Variants in RAB21 observed in about 807,000 individuals in gnomAD.
RAB21 encodes ras-related protein Rab-21.
RAB21 carries 13 observed loss-of-function variants against 33.1 expected under a neutral mutation model. The observed-to-expected ratio is 0.39, with a 90% CI of 0.26 to 0.62. The LOEUF (loss-of-function observed/expected upper bound fraction) is 0.62, where lower values mean the gene tolerates loss of function less well. RAB21 is among the 20% of genes least tolerant of loss of function. The pLI, the probability that RAB21 is intolerant of heterozygous loss-of-function variation, is 0.48. For synonymous variants in RAB21, 91 were observed against 103.7 expected (o/e 0.88, Z 0.74); for missense variants, 234 against 279.1 (o/e 0.84, Z 1.15).
intron 1 of RAB21, among the ~76,000 whole-genome samples, chr12:71,755,585 C>T (rs1037794111): frequency 1.3e-5 from 2 of 152,218 alleles, no homozygotes; most frequent in Non-Finnish European, 2.9e-5. Context: ...CCATTTACTG[C>T]AGTTCCTGGG....
chr12:71,760,483 G>T (rs1882856262), intron 1 of RAB21, among the ~76,000 whole-genome samples: 1 of 152,160 alleles, frequency 6.6e-6, no homozygotes, highest in South Asian at 2.1e-4. Flanking sequence ...TGTTTCTCTG[G>T]AATTTACGAA....
intron 1 of RAB21, among the ~76,000 whole-genome samples, chr12:71,762,680 T>G (rs1382008289): frequency 2.0e-5 from 3 of 151,930 alleles, no homozygotes; most frequent in Non-Finnish European, 2.9e-5. Flanking sequence ...CCCCGTGGAT[T>G]CAAGCAATTC....
chr12:71,778,918 G>A (rs1241224066), intron 4 of RAB21, among the ~76,000 whole-genome samples: 1 of 152,228 alleles, frequency 6.6e-6, no homozygotes, highest in Non-Finnish European at 1.5e-5. Context: ...TGAAGCAGGC[G>A]GATCATTTGA....
rs1204345777 is a variant in RAB21 at position 71,785,971 on chromosome 12, G to A, written c.*298G>A. The A allele has an allele frequency of 1.4e-5, 3 of 214,022 alleles. No individual in the cohort carries two copies. Among genetic ancestry groups the A allele is most frequent in the South Asian group, 6.5e-5 (1 of 15,300 alleles). The allele number at this position is 214,022 out of a possible 1,614,324, so 13.3% of individuals were successfully genotyped here. ...GGCTGGAGTGCACTGGCTTGATCTC[G>A]GCTCACTGCAAGCTCCACCTCCCAG... On this transcript the variant is annotated 3_prime_UTR_variant, in exon 7 of 7. Coordinates refer to ENST00000261263, the MANE Select transcript of RAB21 (RefSeq NM_014999.4).
intron 1 of RAB21, among the ~76,000 whole-genome samples, chr12:71,759,488 C>T (rs1882838429): frequency 6.6e-6 from 1 of 152,160 alleles, no homozygotes; most frequent in Non-Finnish European, 1.5e-5. Flanking sequence ...ATCTTAGGGG[C>T]TTTTTTGGGC....
At position 71,797,053 on chromosome 12, in the gene RAB21, A is replaced by G. The variant is rs1883472604; in HGVS notation, c.*11380A>G. Reference sequence around the variant, plus strand: ...AGACACTTCGTGTTTCCATTTTCATAATGGGGGTTAGTCATAAACCATTCT... The same window carrying G: ...AGACACTTCGTGTTTCCATTTTCATGATGGGGGTTAGTCATAAACCATTCT... On this transcript the variant is annotated 3_prime_UTR_variant, in exon 7 of 7. Coordinates refer to ENST00000261263, the MANE Select transcript of RAB21 (RefSeq NM_014999.4). 1 of 152,158 alleles carries G rather than the reference A, an allele frequency of 6.6e-6. No individual in the cohort carries two copies. Among genetic ancestry groups the G allele is most frequent in the Admixed American group, 6.5e-5 (1 of 15,280 alleles). The allele number at this position is 152,158 out of a possible 1,614,324, so 9.4% of individuals were successfully genotyped here. A position where few individuals can be genotyped will look rare whatever the true frequency, so the allele number is the denominator to read the frequency against.
intron 4 of RAB21, among the ~76,000 whole-genome samples, chr12:71,778,575 T>C (rs547435073): frequency 1.9e-4 from 29 of 152,322 alleles, no homozygotes; most frequent in African/African-American, 6.5e-4. Flanking sequence ...TTGCTTACTA[T>C]GTGCCAGGCT....
At position 71,787,082 on chromosome 12, in the gene RAB21, C is replaced by G. The variant is rs1263853548; in HGVS notation, c.*1409C>G. 1.3e-5 allele frequency: 2 copies of G among 152,130 alleles called. No individual in the cohort carries two copies. Among genetic ancestry groups the G allele is most frequent in the East Asian group, 3.9e-4 (2 of 5,194 alleles). 9.4% of individuals were successfully genotyped at this position (152,130 alleles called of 1,614,324 possible). ...CTTTTAGATCCTTTGTGAGCAAGTTCTATTTGTTCATTGCTTGCCAGAGAT... is the reference window on the plus strand; with the variant it reads ...CTTTTAGATCCTTTGTGAGCAAGTTGTATTTGTTCATTGCTTGCCAGAGAT... On this transcript the variant is annotated 3_prime_UTR_variant, in exon 7 of 7. Coordinates refer to ENST00000261263, the MANE Select transcript of RAB21 (RefSeq NM_014999.4).
chr12:71,792,264 ACCATACAT>A lies in RAB21; in HGVS notation c.*6593_*6600del, dbSNP rs1479143045. The A allele has an allele frequency of 2.0e-5, 3 of 152,214 alleles. No individual in the cohort carries two copies. The highest frequency in any genetic ancestry group is 7.2e-5 in the African/African-American group (3 of 41,448). 9.4% of individuals were successfully genotyped at this position (152,214 alleles called of 1,614,324 possible). A position where few individuals can be genotyped will look rare whatever the true frequency, so the allele number is the denominator to read the frequency against. On this transcript the variant is annotated 3_prime_UTR_variant, in exon 7 of 7. Coordinates refer to ENST00000261263, the MANE Select transcript of RAB21 (RefSeq NM_014999.4). ...TACTGGACTTTTGAGATGTAAGTTT[ACCATACAT>A]CAAGCTTAAAAACTTGTAGCGTTCT...
Position 71,755,181 on chromosome 12 carries a change from T to TA in RAB21, c.53dup (p.Tyr18Ter). The TA allele has an allele frequency of 6.9e-7, 1 of 1,452,714 alleles. No homozygotes were observed. The highest frequency in any genetic ancestry group is 9.1e-7 in the Non-Finnish European group (1 of 1,101,852). 90.0% of individuals were successfully genotyped at this position (1,452,714 alleles called of 1,614,324 possible). ...GGGAAAAGRAYSFKVVLLGEG... is the reference protein window; with the variant it reads ...GGGAAAAGRA ...CGGGGCGGCGGCGGCGGGCCGAGCCTACTCGTTCAAGGTGGTGCTGCTGGG... is the reference window on the plus strand; with the variant it reads ...CGGGGCGGCGGCGGCGGGCCGAGCCTAACTCGTTCAAGGTGGTGCTGCTGGG... Residue 18 changes from tyrosine (Y) to a stop codon, truncating the protein, a stop_gained and frameshift_variant, in exon 1 of 7, where the codon TAC becomes TAAC. Coordinates refer to ENST00000261263, the MANE Select transcript of RAB21 (RefSeq NM_014999.4). LOFTEE classifies it high-confidence loss of function.
At position 71,790,606 on chromosome 12, in the gene RAB21, C is replaced by T. The variant is rs1220897312; in HGVS notation, c.*4933C>T. The T allele has an allele frequency of 6.6e-6, 1 of 152,082 alleles. No individual in the cohort carries two copies. Among genetic ancestry groups the T allele is most frequent in the Non-Finnish European group, 1.5e-5 (1 of 68,002 alleles). The allele number at this position is 152,082 out of a possible 1,614,324, so 9.4% of individuals were successfully genotyped here. The stretch of plus-strand genomic sequence containing the variant: ...ATAAAAAACATATATTGTCAAAGTG[C>T]CCTTTGGTAGTGCTCCCAAATGGTA... On this transcript the variant is annotated 3_prime_UTR_variant, in exon 7 of 7. Coordinates refer to ENST00000261263, the MANE Select transcript of RAB21 (RefSeq NM_014999.4).
At position 71,755,148 on chromosome 12, in the gene RAB21, G is replaced by T; in HGVS notation, c.19G>T (p.Gly7Cys). ...CGACGGGATGGCTGCGGCCGGCGGC[G>T]GCGGCGGCGGGGCGGCGGCGGCGGG... MAAAGG[G>C]GGGAAAAGRA... The change falls in exon 1 of 7, where the codon GGC becomes TGC. Residue 7 changes from glycine to cysteine, a missense_variant. Transcript: ENST00000261263. 6 of 1,288,526 alleles carry T rather than the reference G, an allele frequency of 4.7e-6. No homozygotes were observed. The highest frequency in any genetic ancestry group is 5.9e-6 in the Non-Finnish European group (6 of 1,017,962). 79.8% of individuals were successfully genotyped at this position (1,288,526 alleles called of 1,614,324 possible). A position where few individuals can be genotyped will look rare whatever the true frequency, so the allele number is the denominator to read the frequency against.
Position 71,774,127 on chromosome 12 carries a change from G to A in RAB21, c.391+105G>A, listed in dbSNP as rs973261115. The A allele has an allele frequency of 6.1e-6, 4 of 660,874 alleles. No homozygotes were observed. The African/African-American group carries it at 7.6e-5, about 13-fold the overall frequency. The allele number at this position is 660,874 out of a possible 1,614,324, so 40.9% of individuals were successfully genotyped here. On this transcript the variant is annotated intron_variant, in intron 4 of 6. Coordinates refer to ENST00000261263, the MANE Select transcript of RAB21 (RefSeq NM_014999.4). ...AAAGTTATATGAGAAAGGAAGAATG[G>A]CATATTAATATAAATATTTTAGAAT...
In RAB21 at chr12:71,788,012, C is replaced by G. The variant is rs996596002; in HGVS notation, c.*2339C>G. 1 of 152,134 alleles carries G rather than the reference C, an allele frequency of 6.6e-6. No individual in the cohort carries two copies. The highest frequency in any genetic ancestry group is 1.5e-5 in the Non-Finnish European group (1 of 68,024). 9.4% of individuals were successfully genotyped at this position (152,134 alleles called of 1,614,324 possible). Reference sequence around the variant, plus strand: ...TTTTAAAAACTAGAGTAGCTGGGCACAGAGGCATGCATTTGTAGGGCCAGC... The same window carrying G: ...TTTTAAAAACTAGAGTAGCTGGGCAGAGAGGCATGCATTTGTAGGGCCAGC... On this transcript the variant is annotated 3_prime_UTR_variant, in exon 7 of 7. Coordinates refer to ENST00000261263, the MANE Select transcript of RAB21 (RefSeq NM_014999.4).
Position 71,770,625 on chromosome 12 carries a change from G to A in RAB21, c.253G>A (p.Gly85Ser). The A allele has an allele frequency of 6.2e-7, 1 of 1,608,278 alleles. No individual in the cohort carries two copies. The highest frequency in any genetic ancestry group is 8.5e-7 in the Non-Finnish European group (1 of 1,175,524). ...AGGTCAAGAGAGATTCCATGCATTG[G>A]GTCCAATTTACTACAGAGATTCAAA... ...TAGQERFHAL[G>S]PIYYRDSNGA... Residue 85 changes from glycine to serine, a missense_variant, in exon 3 of 7, where the codon GGT becomes AGT. Transcript: ENST00000261263.
In RAB21 at chr12:71,755,107, T is replaced by G; in HGVS notation, c.-23T>G. ...CGGGAGGGCGGCGCGACACTCGGGC[T>G]CGGGCGGCCGGGAAGCGACGGGATG... On this transcript the variant is annotated 5_prime_UTR_variant, in exon 1 of 7. Coordinates refer to ENST00000261263, the MANE Select transcript of RAB21 (RefSeq NM_014999.4). The G allele has an allele frequency of 8.8e-7, 1 of 1,134,740 alleles. No individual in the cohort carries two copies. The allele number at this position is 1,134,740 out of a possible 1,614,324, so 70.3% of individuals were successfully genotyped here.
intron 6 of RAB21, 104 bp downstream of exon 6, chr12:71,782,762 C>T: frequency 1.3e-5 from 9 of 717,426 alleles, no homozygotes; most frequent in South Asian, 5.2e-5. Flanking sequence ...AGAATTGGTT[C>T]TTTTTAAACT....
At chr12:71,762,248 C>G (rs529732213) in intron 1 of RAB21, among the ~76,000 whole-genome samples, 9 of 152,230 alleles carry the variant, frequency 5.9e-5, no homozygotes, top group African/African-American at 1.9e-4. Context: ...TTTTTAGAAA[C>G]TAAGAAGAAA....
chr12:71,759,419 A>T (rs184541640), intron 1 of RAB21, among the ~76,000 whole-genome samples: 1 of 152,258 alleles, frequency 6.6e-6, no homozygotes, highest in African/African-American at 2.4e-5. Context: ...CTCTGCAGCA[A>T]GTTTTACTGT....
Sources: gnomAD v4.1 joint callset for allele counts (sites outside exome capture counted in the v4.1 genomes callset) on GRCh38, gnomAD v4.1.1 for gene constraint, MANE v1.5 for transcripts, NCBI Gene and HGNC (gene_info 2026-07-23, HGNC 2026-07-21) for gene names.